The following PVT1 variants were observed in gnomAD, a reference collection of about 807,000 sequenced individuals.
PVT1 encodes the protein Pvt1 oncogene.
rs149082117 is a variant in PVT1 at position 128,088,308 on chromosome 8, C to T, written n.1115-8210C>T. The stretch of plus-strand genomic sequence containing the variant: ...CAGCGCAGGGGCCAAGGTTAATTCA[C>T]GGTCCCAGCTCGTGGCGCAGACTTG... On this transcript the variant is annotated intron_variant and non_coding_transcript_variant, in intron 5 of 10. Coordinates refer to ENST00000651587, the Ensembl canonical transcript of PVT1. Among the ~76,000 whole-genome samples the T allele has an allele frequency of 6.9e-3, 1,045 of 152,270 alleles. 5 individuals are homozygous for T. Among genetic ancestry groups the T allele is most frequent in the Admixed American group, 8.7e-3 (133 of 15,304 alleles).
At chr8:127,859,181 T>A (rs1815193864) in intron 2 of PVT1, among the ~76,000 whole-genome samples, 1 of 152,122 alleles carries the variant, frequency 6.6e-6, no homozygotes, top group Non-Finnish European at 1.5e-5. Flanking sequence ...TTCTTATGCT[T>A]GTCTGTAGTT....
At chr8:128,081,419 A>T (rs1814175918) in intron 5 of PVT1, among the ~76,000 whole-genome samples, 1 of 152,218 alleles carries the variant, frequency 6.6e-6, no homozygotes, top group African/African-American at 2.4e-5. Context: ...GAGCGCAATT[A>T]TTGGATCACA....
At chr8:127,861,519 C>G (rs1815228078) in intron 2 of PVT1, among the ~76,000 whole-genome samples, 1 of 152,102 alleles carries the variant, frequency 6.6e-6, no homozygotes, top group South Asian at 2.1e-4. Context: ...TCACCCTTAA[C>G]ATCTTGTTGT....
At chr8:127,809,008 C>A (rs1380081754) in intron 2 of PVT1, among the ~76,000 whole-genome samples, 1 of 79,824 alleles carries the variant, frequency 1.3e-5, no homozygotes. Flanking sequence ...CCAGCCTGGG[C>A]AACAAAGTGA....
chr8:127,961,371 C>T (rs954068829), intron 3 of PVT1, among the ~76,000 whole-genome samples: 1 of 152,116 alleles, frequency 6.6e-6, no homozygotes, highest in Admixed American at 6.5e-5. Context: ...ACGCGGTGCA[C>T]GAAGAGCCTC....
chr8:127,849,755 T>TGC (rs1274496138), intron 2 of PVT1, among the ~76,000 whole-genome samples: 1 of 93,102 alleles, frequency 1.1e-5, no homozygotes, highest in Non-Finnish European at 2.1e-5. Context: ...TGTGTGTGTG[T>TGC]GCCCCTGCGT....
intron 3 of PVT1, among the ~76,000 whole-genome samples, chr8:127,955,588 GCCCTC>G (rs1278505633): frequency 1.4e-5 from 2 of 147,298 alleles, no homozygotes; most frequent in African/African-American, 5.0e-5. Flanking sequence ...CCCCTCCCCT[GCCCTC>G]CCCTCCCCTT....
At chr8:127,880,912 T>C (rs1384952086) in intron 2 of PVT1, among the ~76,000 whole-genome samples, 2 of 152,248 alleles carry the variant, frequency 1.3e-5, no homozygotes, top group Non-Finnish European at 2.9e-5. Context: ...CAGTCATTTC[T>C]TAAGCGATGT....
chr8:127,816,484 G>A (rs1463793728), intron 2 of PVT1, among the ~76,000 whole-genome samples: 1 of 149,760 alleles, frequency 6.7e-6, no homozygotes, highest in African/African-American at 2.5e-5. Context: ...ATCATGTCAT[G>A]GATGAAAAAA....
At chr8:127,991,407 T>C (rs17198128) in intron 4 of PVT1, among the ~76,000 whole-genome samples, 2,928 of 152,112 alleles carry the variant, frequency 0.019, 41 homozygotes, top group South Asian at 0.035. Flanking sequence ...GCCTCGTAGC[T>C]CTTTTTGACC....
intron 2 of PVT1, among the ~76,000 whole-genome samples, chr8:127,876,350 G>A (rs1815405535): frequency 6.6e-6 from 1 of 151,832 alleles, no homozygotes; most frequent in African/African-American, 2.4e-5. Context: ...AGAGCTCTGG[G>A]GACTCAGGTT....
At position 128,094,459 on chromosome 8, in the gene PVT1, T is replaced by C. The variant is rs186015979; in HGVS notation, n.1115-2059T>C. On this transcript the variant is annotated intron_variant and non_coding_transcript_variant, in intron 5 of 10. Transcript: ENST00000651587. ...ATTTATGTATTGTCTACATAAGCTA[T>C]AGTTGGTGTGTGCAGAGCTTTCACT... Among the ~76,000 whole-genome samples the C allele has an allele frequency of 5.8e-4, 88 of 152,356 alleles. 1 individual carries two copies. The Middle Eastern group carries it at 0.02, about 35-fold the overall frequency.
intron 2 of PVT1, among the ~76,000 whole-genome samples, chr8:127,862,936 T>G (rs1815243872): frequency 6.6e-6 from 1 of 152,118 alleles, no homozygotes; most frequent in African/African-American, 2.4e-5. Context: ...TAAGTCCCCT[T>G]TGTTAGGCAT....
chr8:127,857,921 T>C (rs1484117535), intron 2 of PVT1, among the ~76,000 whole-genome samples: 1 of 152,194 alleles, frequency 6.6e-6, no homozygotes, highest in African/African-American at 2.4e-5. Flanking sequence ...ATTCGTATGG[T>C]GGAGTGTGAT....
intron 2 of PVT1, among the ~76,000 whole-genome samples, chr8:127,800,300 A>G (rs1373500790): frequency 6.6e-6 from 1 of 152,030 alleles, no homozygotes; most frequent in East Asian, 1.9e-4. Flanking sequence ...GCACCGTTTT[A>G]GCTGCTGGCG....
At chr8:127,977,779 C>G (rs943546058) in intron 3 of PVT1, among the ~76,000 whole-genome samples, 1 of 152,184 alleles carries the variant, frequency 6.6e-6, no homozygotes, top group African/African-American at 2.4e-5. Flanking sequence ...GCATTACTAG[C>G]TGTCACCCAA....
chr8:128,063,595 G>A (rs1421604447), intron 4 of PVT1, among the ~76,000 whole-genome samples: 2 of 152,132 alleles, frequency 1.3e-5, no homozygotes, highest in African/African-American at 4.8e-5. Context: ...ATTTTTGTGT[G>A]TGTGGCTCAA....
intron 4 of PVT1, among the ~76,000 whole-genome samples, chr8:128,029,492 G>A (rs1401382871): frequency 6.6e-5 from 10 of 151,974 alleles, no homozygotes; most frequent in Non-Finnish European, 1.2e-4. Flanking sequence ...TTAGATAAGT[G>A]AAAGAAAACT....
chr8:127,919,695 T>C (rs940890721), intron 3 of PVT1, among the ~76,000 whole-genome samples: 1 of 152,178 alleles, frequency 6.6e-6, no homozygotes, highest in Non-Finnish European at 1.5e-5. Flanking sequence ...TCAGGGTCCC[T>C]ACCTTCGTTT....
Sources: gnomAD v4.1 joint callset for allele counts (sites outside exome capture counted in the v4.1 genomes callset) on GRCh38, gnomAD v4.1.1 for gene constraint, MANE v1.5 for transcripts, NCBI Gene and HGNC (gene_info 2026-07-23, HGNC 2026-07-21) for gene names.